Variants in TENM2 observed in about 807,000 individuals in gnomAD.
TENM2 encodes teneurin-2.
A neutral mutation model predicts 245.2 loss-of-function variants in TENM2; 52 were observed. The observed-to-expected ratio is 0.21, with a 90% confidence interval of 0.17 to 0.27. The LOEUF is 0.27. Ranked by LOEUF, TENM2 falls within the 10% of genes least tolerant of loss-of-function variation. TENM2 has a pLI of 1.00. For synonymous variants in TENM2, 1,363 were observed against 1,438.9 expected (o/e 0.95, Z 1.19); for missense variants, 3,046 against 3,666.8 (o/e 0.83, Z 4.37).
At chr5:167,605,544 G>C (rs1170881701) in intron 2 of TENM2, among the ~76,000 whole-genome samples, 2 of 152,136 alleles carry the variant, frequency 1.3e-5, no homozygotes, top group Non-Finnish European at 2.9e-5. Flanking sequence ...GCTGAGCATA[G>C]TTAGGCCACT....
intron 2 of TENM2, among the ~76,000 whole-genome samples, chr5:167,419,530 C>G (rs752449548): frequency 3.3e-5 from 5 of 152,158 alleles, no homozygotes; most frequent in Admixed American, 6.6e-5. Context: ...AAAATTTCAT[C>G]AGCATCTTTT....
chr5:167,155,258 G>C, the TENM2 span, among the ~76,000 whole-genome samples: 2 of 152,192 alleles, frequency 1.3e-5, no homozygotes, highest in Non-Finnish European at 2.9e-5. Flanking sequence ...GCTTTATGGA[G>C]CAGAATTTTC....
intron 27 of TENM2, among the ~76,000 whole-genome samples, chr5:168,251,118 C>T (rs1054155043): frequency 2.0e-5 from 3 of 152,092 alleles, no homozygotes; most frequent in African/African-American, 4.8e-5. Context: ...ACAGAATGTC[C>T]CTTCCAGAAG....
At chr5:167,925,331 A>G (rs997113092) in intron 3 of TENM2, among the ~76,000 whole-genome samples, 3 of 152,250 alleles carry the variant, frequency 2.0e-5, no homozygotes, top group Non-Finnish European at 4.4e-5. Context: ...AAACTAACTT[A>G]TGATGATAGA....
intron 2 of TENM2, among the ~76,000 whole-genome samples, chr5:167,620,200 A>G (rs536675000): frequency 2.0e-5 from 3 of 152,248 alleles, no homozygotes; most frequent in South Asian, 2.1e-4. Context: ...GGTACATGCA[A>G]TTAGGAAAAT....
chr5:168,077,011 G>A (rs986570670), intron 7 of TENM2, among the ~76,000 whole-genome samples: 1 of 152,120 alleles, frequency 6.6e-6, no homozygotes, highest in African/African-American at 2.4e-5. Flanking sequence ...GTGAATCTCA[G>A]CCCCACCACT....
rs553050794 is a variant in TENM2 at position 167,661,956 on chromosome 5, T to C, written c.503-214030T>C. On this transcript the variant is annotated intron_variant, in intron 2 of 28. Transcript: ENST00000518659. ...TGACTCTCCTTGGGCTGCCCTGGTC[T>C]TATGCTTATGCTGCAACCAATCATT... Among the ~76,000 whole-genome samples the C allele has an allele frequency of 3.9e-5, 6 of 152,314 alleles. No homozygotes were observed. In the East Asian group the frequency reaches 9.7e-4, roughly 25 times the overall value.
chr5:168,125,532 G>A (rs1795785411), intron 11 of TENM2, among the ~76,000 whole-genome samples: 1 of 152,042 alleles, frequency 6.6e-6, no homozygotes, highest in Non-Finnish European at 1.5e-5. Context: ...TCCCTCCAGA[G>A]TGACCTTAAA....
In TENM2 at chr5:168,247,028, A is replaced by T; in HGVS notation, c.6089A>T (p.Glu2030Val). ...TATGGGAAACTCTCCAAGTTATCAG[A>T]GATTGTCTACGACAGTACCGCCGTC... is the stretch of plus-strand genomic sequence containing the variant. Residue 2030 changes from glutamate to valine, a missense_variant, in exon 27 of 29, where the codon GAG becomes GTG. Glu to Val is a moderately radical substitution (Grantham distance 121). Transcript: ENST00000518659. This position sits in a 1 kb window ranked among gnomAD's most constrained non-coding sequence, Gnocchi z 7.8. 1 of 1,614,022 alleles carries T rather than the reference A, an allele frequency of 6.2e-7. No individual in the cohort carries two copies. The highest frequency in any genetic ancestry group is 1.1e-5 in the South Asian group (1 of 91,088).
chr5:167,271,191 C>T, the TENM2 span, among the ~76,000 whole-genome samples: 1 of 152,224 alleles, frequency 6.6e-6, no homozygotes, highest in Non-Finnish European at 1.5e-5. Flanking sequence ...TCCGAAAGCT[C>T]TGCATGGTGA....
intron 27 of TENM2, among the ~76,000 whole-genome samples, chr5:168,257,047 C>T (rs889081498): frequency 1.6e-4 from 25 of 152,102 alleles, no homozygotes; most frequent in African/African-American, 5.3e-4. Flanking sequence ...TAGATACTTA[C>T]GGAGCACCTA....
intron 5 of TENM2, among the ~76,000 whole-genome samples, chr5:168,038,099 C>G (rs770999684): frequency 2.6e-5 from 4 of 152,218 alleles, no homozygotes; most frequent in Non-Finnish European, 4.4e-5. Flanking sequence ...AGCTCAGGTT[C>G]AAATCCCACC....
intron 7 of TENM2, among the ~76,000 whole-genome samples, chr5:168,070,535 A>C (rs1050954669): frequency 6.6e-5 from 10 of 151,736 alleles, no homozygotes; most frequent in African/African-American, 2.2e-4. Context: ...TAATCCTGGC[A>C]CTTGGGAAAT....
At chr5:168,156,656 T>A (rs755926039) in intron 12 of TENM2, among the ~76,000 whole-genome samples, 1 of 152,230 alleles carries the variant, frequency 6.6e-6, no homozygotes, top group Non-Finnish European at 1.5e-5. Context: ...ATTACTTTGT[T>A]CATGCCTAAT....
At chr5:167,070,768 C>G in the TENM2 span, among the ~76,000 whole-genome samples, 1 of 152,158 alleles carries the variant, frequency 6.6e-6, no homozygotes, top group East Asian at 1.9e-4. Context: ...TGATTTAATC[C>G]TTACACTGTA....
intron 5 of TENM2, among the ~76,000 whole-genome samples, chr5:168,047,189 G>A (rs995820913): frequency 1.1e-4 from 16 of 151,966 alleles, no homozygotes; most frequent in African/African-American, 3.6e-4. Flanking sequence ...TCCCTCCTCC[G>A]CTCACTGTAA....
At chr5:168,198,741 T>C in intron 15 of TENM2, 112 bp from the exon 18 acceptor site, 1 of 1,346,482 alleles carries the variant, frequency 7.4e-7, no homozygotes, top group South Asian at 1.4e-5. Flanking sequence ...CCAAAGCCCA[T>C]GGTCTCCTCT....
intron 2 of TENM2, among the ~76,000 whole-genome samples, chr5:167,440,582 T>A (rs986733853): frequency 2.6e-5 from 4 of 152,140 alleles, no homozygotes; most frequent in African/African-American, 9.7e-5. Flanking sequence ...AACTAGAATA[T>A]TTTCTATTCA....
At chr5:167,681,627 A>T (rs1232046078) in intron 2 of TENM2, among the ~76,000 whole-genome samples, 1 of 151,706 alleles carries the variant, frequency 6.6e-6, no homozygotes, top group Non-Finnish European at 1.5e-5. Context: ...GTATTTGTTT[A>T]TATATATATG....
Sources: allele counts gnomAD v4.1 joint callset (sites outside exome capture counted in the v4.1 genomes callset), GRCh38; gene constraint gnomAD v4.1.1; non-coding constraint Gnocchi (gnomAD v3.1); transcripts MANE v1.5; gene names NCBI Gene and HGNC (gene_info 2026-07-23, HGNC 2026-07-21).